Variants in EVI5 observed in about 807,000 individuals in gnomAD.
EVI5 encodes ecotropic viral integration site 5.
Under a neutral mutation model 112.0 loss-of-function variants are expected in EVI5, and 73 were observed. That is an observed-to-expected ratio of 0.65 (90% confidence interval 0.54 to 0.79). The LOEUF (loss-of-function observed/expected upper bound fraction) is 0.79, where lower values mean the gene tolerates loss of function less well. Among genes scored for constraint, EVI5 ranks in the 30% least tolerant of loss-of-function variants. The probability of loss-of-function intolerance (pLI) is 0.00; values close to 1 mark genes in which losing one functional copy is unlikely to be tolerated. For synonymous variants in EVI5, 305 were observed against 319.9 expected (o/e 0.95, Z 0.50); for missense variants, 900 against 968.8 (o/e 0.93, Z 0.94).
intron 19 of EVI5, among the ~76,000 whole-genome samples, chr1:92,527,143 G>A (rs6660889): frequency 0.13 from 19,201 of 152,092 alleles, 1,408 homozygotes; most frequent in Middle Eastern, 0.18. Context: ...GGCCAGGTGC[G>A]GTGGCTCATG....
intron 4 of EVI5, among the ~76,000 whole-genome samples, chr1:92,702,441 CATAAA>C (rs57227203): frequency 0.047 from 6,655 of 140,158 alleles, 275 homozygotes; most frequent in African/African-American, 0.11. Context: ...GCTCTAAAGA[CATAAA>C]ATAAAATAAA....
At chr1:92,703,304 TGGTGGGAGGTCATGCTTCATC>T in intron 4 of EVI5, 70 bp downstream of exon 4, 1 of 743,910 alleles carries the variant, frequency 1.3e-6, no homozygotes, top group Non-Finnish European at 2.2e-6. Context: ...CTGATTATTG[TGGTGGGAGGTCATGCTTCATC>T]ATGAAAAATG....
intron 10 of EVI5, among the ~76,000 whole-genome samples, chr1:92,676,418 AG>A (rs1267367422): frequency 9.7e-5 from 1 of 10,332 alleles, no homozygotes; most frequent in Non-Finnish European, 1.9e-4. Context: ...GGTTGGGGGT[AG>A]GGGGTGGAGG....
chr1:92,722,369 G>A (rs1169197491), intron 2 of EVI5, among the ~76,000 whole-genome samples: 1 of 151,872 alleles, frequency 6.6e-6, no homozygotes, highest in Admixed American at 6.6e-5. Context: ...CAACGTGCAG[G>A]TTTGTTATAT....
At chr1:92,545,924 T>C (rs1665611601) in intron 19 of EVI5, among the ~76,000 whole-genome samples, 1 of 151,916 alleles carries the variant, frequency 6.6e-6, no homozygotes, top group Non-Finnish European at 1.5e-5. Context: ...CTCCTTTTCC[T>C]GGCAATCTTC....
intron 19 of EVI5, among the ~76,000 whole-genome samples, chr1:92,557,513 A>C (rs1667862730): frequency 1.3e-5 from 2 of 151,828 alleles, no homozygotes; most frequent in South Asian, 4.2e-4. Flanking sequence ...TGGCCAGGCT[A>C]GTCTCAAACT....
chr1:92,705,410 G>A (rs1671806810), intron 2 of EVI5, among the ~76,000 whole-genome samples: 1 of 152,190 alleles, frequency 6.6e-6, no homozygotes, highest in Non-Finnish European at 1.5e-5. Context: ...TTCCTGCACA[G>A]TAAGAACAGG....
intron 1 of EVI5, chr1:92,784,542 C>A: frequency 4.3e-6 from 2 of 469,600 alleles, no homozygotes; most frequent in Non-Finnish European, 4.8e-6. Flanking sequence ...GACGTGCCCC[C>A]GAAGCTGCTC....
chr1:92,708,884 T>C (rs1177680344), intron 2 of EVI5, among the ~76,000 whole-genome samples: 2 of 152,178 alleles, frequency 1.3e-5, no homozygotes, highest in South Asian at 2.1e-4. Context: ...CATGAATACA[T>C]TTATATGAAA....
rs1407400155 is a variant in EVI5 at position 92,511,225 on chromosome 1, G to A, written c.*2431C>T. ...GCACTTTGGGAGGTCAAAGTGGGTG[G>A]ATCACCTGAGGTCAGAAGTTTGAGA... On this transcript the variant is annotated 3_prime_UTR_variant, in exon 20 of 20. Transcript: ENST00000684568. 6.6e-6 allele frequency: 1 copy of A among 152,100 alleles called. No homozygotes were observed. The allele number at this position is 152,100 out of a possible 1,614,324, so 9.4% of individuals were successfully genotyped here.
At chr1:92,706,984 C>A (rs1188531640) in intron 2 of EVI5, among the ~76,000 whole-genome samples, 1 of 151,534 alleles carries the variant, frequency 6.6e-6, no homozygotes, top group Non-Finnish European at 1.5e-5. Flanking sequence ...GAGTTCGAGA[C>A]CAGCCTGACC....
chr1:92,735,002 A>C (rs1020587466), intron 2 of EVI5, among the ~76,000 whole-genome samples: 7 of 152,238 alleles, frequency 4.6e-5, no homozygotes, highest in Non-Finnish European at 1.0e-4. Flanking sequence ...GATGTAGAAG[A>C]ACTGGTAATT....
intron 18 of EVI5, among the ~76,000 whole-genome samples, chr1:92,588,732 A>T (rs1673206665): frequency 6.6e-6 from 1 of 152,252 alleles, no homozygotes; most frequent in African/African-American, 2.4e-5. Flanking sequence ...TAAGTACCCC[A>T]TAAATATCTA....
intron 13 of EVI5, among the ~76,000 whole-genome samples, chr1:92,637,290 A>G (rs753886638): frequency 2.1e-4 from 32 of 151,972 alleles, no homozygotes; most frequent in Admixed American, 3.9e-4. Flanking sequence ...AGGCAGGAGA[A>G]TGGCTTGAGC....
intron 1 of EVI5, among the ~76,000 whole-genome samples, chr1:92,773,604 T>C (rs1229622768): frequency 6.6e-6 from 1 of 152,044 alleles, no homozygotes; most frequent in Non-Finnish European, 1.5e-5. Flanking sequence ...ATCACACTAC[T>C]GCACTCCAGC....
At chr1:92,694,816 A>G (rs908005472) in intron 7 of EVI5, among the ~76,000 whole-genome samples, 1 of 152,226 alleles carries the variant, frequency 6.6e-6, no homozygotes, top group Non-Finnish European at 1.5e-5. Context: ...CAGACTAGAA[A>G]ACAAAGGATT....
intron 18 of EVI5, among the ~76,000 whole-genome samples, chr1:92,576,267 T>C (rs1235632076): frequency 6.6e-6 from 1 of 152,218 alleles, no homozygotes; most frequent in Non-Finnish European, 1.5e-5. Flanking sequence ...TTAGTTAACA[T>C]ACATATTTTG....
At position 92,587,078 on chromosome 1, in the gene EVI5, C is replaced by T. The variant is rs890182643; in HGVS notation, c.2070+18229G>A. Among the ~76,000 whole-genome samples the T allele has an allele frequency of 5.9e-5, 9 of 152,036 alleles. 1 individual carries two copies. The highest frequency in any genetic ancestry group is 3.9e-4 in the Admixed American group (6 of 15,242). On this transcript the variant is annotated intron_variant, in intron 18 of 19. Transcript: ENST00000684568. ...CTAGATATAGCAATATCCTAAAAAC[C>T]TCTAGATACTTCATCCCTTTAAATT...
chr1:92,579,478 A>C (rs1048831282), intron 18 of EVI5, among the ~76,000 whole-genome samples: 3 of 152,226 alleles, frequency 2.0e-5, no homozygotes, highest in African/African-American at 7.2e-5. Flanking sequence ...CCTATAAAAA[A>C]TATCAATGGT....
Sources: allele counts gnomAD v4.1 joint callset (sites outside exome capture counted in the v4.1 genomes callset), GRCh38; gene constraint gnomAD v4.1.1; transcripts MANE v1.5; gene names NCBI Gene and HGNC (gene_info 2026-07-23, HGNC 2026-07-21).